The following SLC14A2 variants were observed in gnomAD, a reference collection of about 807,000 sequenced individuals.
SLC14A2 encodes solute carrier family 14 member 2, also known as urea transporter 2.
In SLC14A2, 91 loss-of-function variants were observed where a neutral mutation model predicts 104.6. That is an observed-to-expected ratio of 0.87 (90% CI 0.73 to 1.04). SLC14A2 has a LOEUF of 1.04. Ranked by LOEUF, SLC14A2 falls within the 50% of genes least tolerant of loss-of-function variation. The pLI is 0.00. For synonymous variants in SLC14A2, 476 were observed against 466.4 expected (o/e 1.02, Z -0.27); for missense variants, 1,189 against 1,156.0 (o/e 1.03, Z -0.41).
chr18:45,233,153 G>A (rs778666921), intron 1 of SLC14A2, among the ~76,000 whole-genome samples: 33 of 152,188 alleles, frequency 2.2e-4, no homozygotes, highest in Middle Eastern at 3.4e-3. Context: ...TCCACATATC[G>A]GAGTGGTAGT....
intron 2 of SLC14A2, among the ~76,000 whole-genome samples, chr18:45,565,461 T>C (rs1209849624): frequency 6.6e-6 from 1 of 152,188 alleles, no homozygotes; most frequent in Non-Finnish European, 1.5e-5. Flanking sequence ...TGCATGTGCA[T>C]ATGTTGTGTG....
intron 10 of SLC14A2, among the ~76,000 whole-genome samples, chr18:45,645,072 T>C (rs527287931): frequency 6.6e-6 from 1 of 152,306 alleles, no homozygotes; most frequent in South Asian, 2.1e-4. Context: ...TGTGTCCACG[T>C]GTTCTCACTG....
intron 2 of SLC14A2, among the ~76,000 whole-genome samples, chr18:45,580,195 C>T (rs2044469601): frequency 6.6e-6 from 1 of 152,162 alleles, no homozygotes. Flanking sequence ...AAACCAGAAC[C>T]ATAGCTGGGA....
chr18:45,273,958 T>C (rs1269338233), intron 1 of SLC14A2, among the ~76,000 whole-genome samples: 2 of 152,326 alleles, frequency 1.3e-5, no homozygotes. Context: ...TTTAATGCAT[T>C]TTATTTAATT....
At chr18:45,615,708 T>C (rs769341080) in intron 1 of SLC14A2, 126 bp downstream of exon 1, 1 of 152,038 alleles carries the variant, frequency 6.6e-6, no homozygotes, top group African/African-American at 2.4e-5. Context: ...AGGTATTCTG[T>C]CTCCACTGTG....
chr18:45,403,352 A>G (rs2086116713), intron 1 of SLC14A2, among the ~76,000 whole-genome samples: 1 of 152,246 alleles, frequency 6.6e-6, no homozygotes, highest in Non-Finnish European at 1.5e-5. Flanking sequence ...GAATTTTAAG[A>G]GCACAAAATT....
intron 10 of SLC14A2, among the ~76,000 whole-genome samples, chr18:45,654,141 G>C (rs964417028): frequency 1.5e-4 from 22 of 148,636 alleles, no homozygotes; most frequent in African/African-American, 5.5e-4. Flanking sequence ...GAATGCTGGG[G>C]GGGACGTGGG....
At chr18:45,403,404 C>T (rs1019161276) in intron 1 of SLC14A2, among the ~76,000 whole-genome samples, 5 of 152,112 alleles carry the variant, frequency 3.3e-5, no homozygotes, top group Admixed American at 3.3e-4. Flanking sequence ...TACCATAGAA[C>T]CTCATTTAAA....
At chr18:45,371,088 G>A (rs572401850) in intron 1 of SLC14A2, among the ~76,000 whole-genome samples, 20 of 152,268 alleles carry the variant, frequency 1.3e-4, no homozygotes, top group African/African-American at 4.8e-4. Context: ...AAAGGTGAAG[G>A]AGCTGTGTAC....
Position 45,643,165 on chromosome 18 carries a change from C to G in SLC14A2, c.1160C>G (p.Ser387Cys), listed in dbSNP as rs2144560627. The G allele has an allele frequency of 1.9e-6, 3 of 1,614,158 alleles. No homozygotes were observed. The highest frequency in any genetic ancestry group is 2.5e-6 in the Non-Finnish European group (3 of 1,179,978). ...LFCAYMEAAI[S>C]NIMSVVGVPP... Reference sequence around the variant, plus strand: ...TGTGCATACATGGAAGCAGCCATCTCCAACATCATGTCAGTGGTAAGTGTG... The same window carrying G: ...TGTGCATACATGGAAGCAGCCATCTGCAACATCATGTCAGTGGTAAGTGTG... The change falls in exon 9 of 20, where the codon TCC becomes TGC. Residue 387 changes from serine (S) to cysteine (C), a missense_variant. Coordinates refer to ENST00000255226, the MANE Select transcript of SLC14A2 (RefSeq NM_007163.4).
chr18:45,220,550 CCTGT>C (rs35891237), intron 1 of SLC14A2, among the ~76,000 whole-genome samples: 29,880 of 151,974 alleles, frequency 0.2, 3,347 homozygotes, highest in African/African-American at 0.32. Flanking sequence ...CTACAGTGAA[CCTGT>C]CTGTCTTTCT....
rs117393113 is a variant in SLC14A2, at chr18:45,396,570, A to C, written c.-124-86663A>C. Among the ~76,000 whole-genome samples the C allele has an allele frequency of 6.1e-3, 919 of 149,640 alleles. 8 individuals carry two copies. Among genetic ancestry groups the C allele is most frequent in the Non-Finnish European group, 8.1e-3 (545 of 67,576 alleles). On this transcript the variant is annotated intron_variant, in intron 1 of 20. Transcript: ENST00000586448. ...CATTTATTTGTTTCTTTATTTGTAG[A>C]GGTATTCGAGTGTGAAAGTAATGAA...
At chr18:45,625,963 C>G (rs1205377329) in intron 3 of SLC14A2, 100 bp downstream of exon 3, 1 of 936,818 alleles carries the variant, frequency 1.1e-6, no homozygotes, top group Admixed American at 4.2e-5. Context: ...CTCATTCACC[C>G]TCACCCTGGG....
intron 1 of SLC14A2, among the ~76,000 whole-genome samples, chr18:45,297,503 C>T (rs1040700301): frequency 1.2e-4 from 19 of 152,152 alleles, no homozygotes; most frequent in African/African-American, 3.9e-4. Flanking sequence ...CTGGGTGCTC[C>T]GCACTGGAAG....
intron 1 of SLC14A2, among the ~76,000 whole-genome samples, chr18:45,223,818 C>T (rs969807829): frequency 1.9e-4 from 29 of 152,322 alleles, no homozygotes; most frequent in African/African-American, 7.0e-4. Flanking sequence ...CTTCAAGGCT[C>T]TAGACTCTTC....
Position 45,667,030 on chromosome 18 carries a change from A to G in SLC14A2, c.1653A>G (p.Lys551=). The change falls in exon 13 of 20, where the codon AAA becomes AAG. Residue 551 remains lysine (K), a synonymous_variant. Transcript: ENST00000255226. The part of the protein sequence containing the change: ...WIRSSMAASG[K]RVSKALSYIT... ...GGAGTTCCATGGCTGCCAGTGGGAA[A>G]AGGGTCAGCAAAGCCCTCAGCTACA... The G allele has an allele frequency of 3.7e-6, 6 of 1,613,952 alleles. No individual in the cohort carries two copies. Among genetic ancestry groups the G allele is most frequent in the Non-Finnish European group, 4.2e-6 (5 of 1,179,788 alleles).
At chr18:45,350,031 A>G (rs994567089) in intron 1 of SLC14A2, among the ~76,000 whole-genome samples, 12 of 152,216 alleles carry the variant, frequency 7.9e-5, no homozygotes, top group Admixed American at 6.5e-4. Flanking sequence ...ACCAAAGAGG[A>G]TTTAAGACAA....
chr18:45,179,739 G>T, the SLC14A2 span: 1 of 151,306 alleles, frequency 6.6e-6, no homozygotes, highest in East Asian at 1.9e-4. Context: ...GCATATAAGG[G>T]TTCAGAAAAT....
At chr18:45,250,321 G>A (rs1281188147) in intron 1 of SLC14A2, among the ~76,000 whole-genome samples, 1 of 152,038 alleles carries the variant, frequency 6.6e-6, no homozygotes, top group Non-Finnish European at 1.5e-5. Context: ...CACATTTGGG[G>A]CCACATTTTT....
Sources: gnomAD v4.1 joint callset for allele counts (sites outside exome capture counted in the v4.1 genomes callset) on GRCh38, gnomAD v4.1.1 for gene constraint, MANE v1.5 for transcripts, NCBI Gene and HGNC (gene_info 2026-07-23, HGNC 2026-07-21) for gene names.